The following ZFYVE28 variants were observed in gnomAD, a reference collection of about 807,000 sequenced individuals.
ZFYVE28 encodes the protein zinc finger FYVE-type containing 28, also known as lateral signaling target protein 2 homolog.
A neutral mutation model predicts 82.1 loss-of-function variants in ZFYVE28; 40 were observed. The ratio of observed to expected loss-of-function variants is 0.49; its 90% CI spans 0.38 to 0.63. ZFYVE28 has a LOEUF of 0.63. Ranked by LOEUF, ZFYVE28 falls within the 30% of genes least tolerant of loss-of-function variation. The pLI, the probability that ZFYVE28 is intolerant of heterozygous loss-of-function variation, is 0.00. For synonymous variants in ZFYVE28, 612 were observed against 546.1 expected (o/e 1.12, Z -1.68); for missense variants, 1,321 against 1,242.1 (o/e 1.06, Z -0.96).
At chr4:2,329,302 T>C (rs1461411047) in intron 6 of ZFYVE28, among the ~76,000 whole-genome samples, 1 of 152,232 alleles carries the variant, frequency 6.6e-6, no homozygotes, top group African/African-American at 2.4e-5. Context: ...AGCAACGTTT[T>C]TTAGTTTTCA....
rs1727701762 is a variant in ZFYVE28, at chr4:2,372,724, T to C, written c.40-18651A>G. Among the ~76,000 whole-genome samples the C allele has an allele frequency of 6.6e-6, 1 of 152,116 alleles. No individual in the cohort carries two copies. Among genetic ancestry groups the C allele is most frequent in the Admixed American group, 6.5e-5 (1 of 15,268 alleles). On this transcript the variant is annotated intron_variant, in intron 1 of 12. Coordinates refer to ENST00000290974, the MANE Select transcript of ZFYVE28 (RefSeq NM_020972.3). The surrounding 1 kb of genome is among the most constrained non-coding windows in gnomAD (Gnocchi z 5.2). ...GGCAGGCACTCCAGGGCTTCGCTGA[T>C]TGTGTCAGTTAAACTCCGAGGGTTG... is the stretch of plus-strand genomic sequence containing the variant.
intron 8 of ZFYVE28, among the ~76,000 whole-genome samples, chr4:2,298,366 C>G (rs557029417): frequency 1.3e-5 from 2 of 152,302 alleles, no homozygotes; most frequent in East Asian, 3.9e-4. Flanking sequence ...TATGACAAAA[C>G]TGAGGCTCAG....
At chr4:2,387,333 G>A (rs1268803405) in intron 1 of ZFYVE28, among the ~76,000 whole-genome samples, 1 of 152,206 alleles carries the variant, frequency 6.6e-6, no homozygotes, top group Non-Finnish European at 1.5e-5. Context: ...TTCACGGCCG[G>A]AAGTGACGCA....
At position 2,416,801 on chromosome 4, in the gene ZFYVE28, T is replaced by TC. The variant is rs200551420; in HGVS notation, c.39+1483dup. Among the ~76,000 whole-genome samples the TC allele has an allele frequency of 3.9e-4, 44 of 113,626 alleles. No homozygotes were observed. Among genetic ancestry groups the TC allele is most frequent in the African/African-American group, 1.6e-3 (38 of 23,058 alleles). 74.5% of individuals were successfully genotyped at this position (113,626 alleles called of 152,430 possible). A position where few individuals can be genotyped will look rare whatever the true frequency, so the allele number is the denominator to read the frequency against. ...GGAGTGACGCCACAGGAACCCTGAA[T>TC]CCCCCCGAGTCCCCTCCCAATCAAG... On this transcript the variant is annotated intron_variant, in intron 1 of 12. Transcript: ENST00000290974. This position sits in a 1 kb window ranked among gnomAD's most constrained non-coding sequence, Gnocchi z 4.6.
intron 7 of ZFYVE28, among the ~76,000 whole-genome samples, chr4:2,316,802 C>T (rs1042808304): frequency 6.6e-6 from 1 of 151,750 alleles, no homozygotes; most frequent in Non-Finnish European, 1.5e-5. Flanking sequence ...AGGCAATTCT[C>T]CTGCCTCAGC....
intron 8 of ZFYVE28, chr4:2,286,442 T>C (rs1712754347): frequency 6.6e-6 from 1 of 152,332 alleles, no homozygotes; most frequent in African/African-American, 2.4e-5. Flanking sequence ...CTGCATCTCA[T>C]AGTCTCTTCT....
chr4:2,376,816 C>G (rs1236143119), intron 1 of ZFYVE28, among the ~76,000 whole-genome samples: 2 of 152,058 alleles, frequency 1.3e-5, no homozygotes, highest in African/African-American at 4.8e-5. Flanking sequence ...GTCCCAGCTA[C>G]TTGGGAGGCT....
rs1733285651 is a variant in ZFYVE28 at position 2,417,961 on chromosome 4, C to A, written c.39+324G>T. ...ACCACGAAGTGTAGGAGGGCACCGT[C>A]CAGGACCGGGATGAGGAGGGAGAGG... On this transcript the variant is annotated intron_variant, in intron 1 of 12. Coordinates refer to ENST00000290974, the MANE Select transcript of ZFYVE28 (RefSeq NM_020972.3). The surrounding 1 kb of genome is among the most constrained non-coding windows in gnomAD (Gnocchi z 4.8). Among the ~76,000 whole-genome samples, 1 of 151,596 alleles carries A rather than the reference C, an allele frequency of 6.6e-6. No homozygotes were observed. Among genetic ancestry groups the A allele is most frequent in the African/African-American group, 2.4e-5 (1 of 41,230 alleles).
intron 9 of ZFYVE28, among the ~76,000 whole-genome samples, chr4:2,273,625 C>T (rs1228436879): frequency 6.6e-6 from 1 of 152,218 alleles, no homozygotes. Flanking sequence ...TTACAGAGCC[C>T]CTGCACTGTG....
chr4:2,375,742 G>A (rs1252325414), intron 1 of ZFYVE28, among the ~76,000 whole-genome samples: 1 of 152,170 alleles, frequency 6.6e-6, no homozygotes, highest in Non-Finnish European at 1.5e-5. Flanking sequence ...GCATCCCACT[G>A]ACAGCCTCCA....
chr4:2,271,758 G>T lies in ZFYVE28; in HGVS notation c.2345C>A (p.Ala782Glu). 3 of 1,613,672 alleles carry T rather than the reference G, an allele frequency of 1.9e-6. No individual in the cohort carries two copies. The highest frequency in any genetic ancestry group is 2.5e-6 in the Non-Finnish European group (3 of 1,179,912). Residue 782 changes from alanine (A) to glutamate (E), a missense_variant, in exon 11 of 13, where the codon GCG (alanine) becomes GAG (glutamate). Ala to Glu is a moderately radical substitution (Grantham distance 107). Around this residue, in one of 2 missense-constraint regions of ZFYVE28, gnomAD observed 978 missense variants for 833.7 expected, o/e 1.17. Coordinates refer to ENST00000290974, the MANE Select transcript of ZFYVE28 (RefSeq NM_020972.3). ...LRKVTQTLRSAALEDCALCQE... is the reference protein window; with the variant it reads ...LRKVTQTLRSEALEDCALCQE... Reference sequence around the variant, plus strand: ...GCACAGTGCACAGTCCTCCAAGGCCGCACTCCGCAGAGTCTGGGTGACTAG... The same window carrying T: ...GCACAGTGCACAGTCCTCCAAGGCCTCACTCCGCAGAGTCTGGGTGACTAG...
intron 3 of ZFYVE28, among the ~76,000 whole-genome samples, chr4:2,340,985 G>C (rs1308151876): frequency 6.6e-6 from 1 of 152,060 alleles, no homozygotes; most frequent in African/African-American, 2.4e-5. Context: ...GGGGGCCTGG[G>C]GGAGACTGTT....
intron 7 of ZFYVE28, among the ~76,000 whole-genome samples, 179 bp from the exon 8 acceptor site, chr4:2,305,715 G>T (rs2108824730): frequency 6.6e-6 from 1 of 152,350 alleles, no homozygotes; most frequent in South Asian, 2.1e-4. Flanking sequence ...CAAGGCTCCG[G>T]TCTCGCCGGC....
chr4:2,272,936 C>T lies in ZFYVE28; in HGVS notation c.2323+237G>A, dbSNP rs747588320. 5.3e-5 allele frequency among the ~76,000 whole-genome samples: 8 copies of T among 152,218 alleles called. No homozygotes were observed. The East Asian group carries it at 5.8e-4, about 11-fold the overall frequency. ...TGCAGGGGTGGAGTGACTTCCTGGG[C>T]GGGCAGCCCATCTGGGCACTTCCTG... is the stretch of plus-strand genomic sequence containing the variant. On this transcript the variant is annotated intron_variant, in intron 10 of 12. Coordinates refer to ENST00000290974, the MANE Select transcript of ZFYVE28 (RefSeq NM_020972.3).
intron 1 of ZFYVE28, among the ~76,000 whole-genome samples, chr4:2,398,116 C>T (rs1730682059): frequency 6.6e-6 from 1 of 152,162 alleles, no homozygotes; most frequent in African/African-American, 2.4e-5. Context: ...GGCAGAGGTC[C>T]CGGCTGGAGA....
At chr4:2,315,552 C>A (rs1301594247) in intron 7 of ZFYVE28, among the ~76,000 whole-genome samples, 4 of 152,198 alleles carry the variant, frequency 2.6e-5, no homozygotes, top group African/African-American at 7.2e-5. Flanking sequence ...GGATCACAGG[C>A]GGGAGCCACT....
chr4:2,381,431 G>C (rs1252822291), intron 1 of ZFYVE28, among the ~76,000 whole-genome samples: 1 of 152,154 alleles, frequency 6.6e-6, no homozygotes, highest in Non-Finnish European at 1.5e-5. Context: ...TTTTGAGACA[G>C]AGTCTCGCTG....
intron 8 of ZFYVE28, among the ~76,000 whole-genome samples, chr4:2,283,158 A>G (rs565257674): frequency 6.7e-6 from 1 of 149,808 alleles, no homozygotes; most frequent in South Asian, 2.1e-4. Context: ...ATATTTACCT[A>G]TCCATCCATC....
At chr4:2,282,902 A>G (rs1295548148) in intron 8 of ZFYVE28, among the ~76,000 whole-genome samples, 1 of 152,154 alleles carries the variant, frequency 6.6e-6, no homozygotes, top group Non-Finnish European at 1.5e-5. Context: ...ACATAGCAAG[A>G]CTCTATCTCT....
Sources: allele counts gnomAD v4.1 joint callset (sites outside exome capture counted in the v4.1 genomes callset), GRCh38; gene constraint gnomAD v4.1.1; regional missense constraint gnomAD v4.1.1; non-coding constraint Gnocchi (gnomAD v3.1); transcripts MANE v1.5; gene names NCBI Gene and HGNC (gene_info 2026-07-23, HGNC 2026-07-21).